EIF4G3: variants seen among roughly 807,000 people sequenced by gnomAD.
EIF4G3 encodes eIF-4-gamma 3.
A neutral mutation model predicts 186.4 loss-of-function variants in EIF4G3; 34 were observed. That is an observed-to-expected ratio of 0.18 (90% CI 0.14 to 0.24). The LOEUF (loss-of-function observed/expected upper bound fraction) is 0.24. Among genes scored for constraint, EIF4G3 ranks in the 10% least tolerant of loss-of-function variants. The pLI, the probability that EIF4G3 is intolerant of heterozygous loss-of-function variation, is 1.00. For missense variants in EIF4G3, 1,536 were observed against 1,948.5 expected, an observed-to-expected ratio of 0.79 and a Z score of 3.99; for synonymous variants, 673 against 679.5, an observed-to-expected ratio of 0.99 and a Z score of 0.15.
At chr1:20,827,253 T>TATAGACTGACAGCCTGCC (rs1362736729) in intron 32 of EIF4G3, among the ~76,000 whole-genome samples, 1 of 152,220 alleles carries the variant, frequency 6.6e-6, no homozygotes, top group Admixed American at 6.5e-5. Context: ...GTTCCCACTT[T>TATAGACTGACAGCCTGCC]ATAGACTGAC....
intron 2 of EIF4G3, among the ~76,000 whole-genome samples, chr1:21,149,267 T>C (rs2097510900): frequency 6.6e-6 from 1 of 152,178 alleles, no homozygotes; most frequent in Non-Finnish European, 1.5e-5. Context: ...TGTATACATA[T>C]ATAAACAAAA....
intron 28 of EIF4G3, 27 bp downstream of exon 28, chr1:20,851,231 T>G: frequency 6.2e-7 from 1 of 1,603,828 alleles, no homozygotes. Flanking sequence ...AACCCAAATC[T>G]GCATCTGTTT....
chr1:20,855,145 C>A (rs1398724513), intron 25 of EIF4G3, 74 bp from the exon 26 acceptor site: 1 of 1,257,862 alleles, frequency 8.0e-7, no homozygotes, highest in Non-Finnish European at 1.1e-6. Flanking sequence ...TTTTTTTCTT[C>A]TTCAGTGAAG....
At chr1:20,886,396 T>A in intron 18 of EIF4G3, 25 bp from the exon 19 acceptor site, 2 of 1,605,512 alleles carry the variant, frequency 1.2e-6, no homozygotes, top group Non-Finnish European at 1.7e-6. Flanking sequence ...TTACAGCTAT[T>A]CAGAGTACTT....
chr1:20,846,308 G>C (rs1272820859), intron 29 of EIF4G3, among the ~76,000 whole-genome samples: 1 of 152,148 alleles, frequency 6.6e-6, no homozygotes, highest in Non-Finnish European at 1.5e-5. Context: ...ACCCTGGCCA[G>C]TACTATGTTG....
intron 3 of EIF4G3, among the ~76,000 whole-genome samples, chr1:21,067,188 A>C (rs1337284551): frequency 1.1e-4 from 15 of 139,866 alleles, no homozygotes; most frequent in Non-Finnish European, 1.5e-5. Context: ...GGTGGATTGC[A>C]ATGGCATGAT....
At chr1:20,869,199 T>C (rs2078408259) in intron 20 of EIF4G3, among the ~76,000 whole-genome samples, 1 of 152,150 alleles carries the variant, frequency 6.6e-6, no homozygotes, top group African/African-American at 2.4e-5. Context: ...CCCCAAATCA[T>C]GTGCTAGTCT....
chr1:20,873,356 G>T (rs1031131433), intron 20 of EIF4G3, among the ~76,000 whole-genome samples: 4 of 152,090 alleles, frequency 2.6e-5, no homozygotes, highest in Admixed American at 6.6e-5. Context: ...AGATATGTAT[G>T]TTTATTGGTT....
At chr1:20,977,510 T>C (rs78430217) in intron 10 of EIF4G3, among the ~76,000 whole-genome samples, 6,863 of 152,280 alleles carry the variant, frequency 0.045, 216 homozygotes, top group Non-Finnish European at 0.067. Context: ...ATCATTAATT[T>C]AGTTACTTTC....
chr1:20,929,970 T>TTA (rs2095217043), intron 14 of EIF4G3, among the ~76,000 whole-genome samples: 2 of 152,218 alleles, frequency 1.3e-5, no homozygotes, highest in Non-Finnish European at 2.9e-5. Flanking sequence ...GAAGTTAATA[T>TTA]TGCAATAAAG....
rs1284800560 is a variant in EIF4G3 at position 20,901,605 on chromosome 1, GA to G, written c.1753-1663del. 2.0e-5 allele frequency among the ~76,000 whole-genome samples: 3 copies of G among 151,870 alleles called. No homozygotes were observed. In the East Asian group the frequency reaches 5.8e-4, roughly 29 times the overall value. On this transcript the variant is annotated intron_variant, in intron 15 of 36. Coordinates refer to ENST00000602326, the MANE Select transcript of EIF4G3 (RefSeq NM_001391906.1). ...TACTTAGAAATTTAATTTCTAACTG[GA>G]AAAAGAAGTATAAAGAAACTAGTTC...
At position 20,879,103 on chromosome 1, in the gene EIF4G3, C is replaced by T. The variant is rs540788391; in HGVS notation, c.2622+220G>A. ...TCTTTCTTACGCTGAATGGGCCCAT[C>T]TCATGCCCATTTCAGTCCAGACTTC... On this transcript the variant is annotated intron_variant, in intron 20 of 36. Coordinates refer to ENST00000602326, the MANE Select transcript of EIF4G3 (RefSeq NM_001391906.1). Among the ~76,000 whole-genome samples the T allele has an allele frequency of 1.1e-3, 170 of 152,284 alleles. 1 individual carries two copies. The highest frequency in any genetic ancestry group is 4.0e-3 in the African/African-American group (165 of 41,566).
rs376237036 is a variant in EIF4G3 at position 21,121,587 on chromosome 1, C to T, written c.-271-32374G>A. Among the ~76,000 whole-genome samples, 7 of 152,130 alleles carry T rather than the reference C, an allele frequency of 4.6e-5. No individual in the cohort carries two copies. In the East Asian group the frequency reaches 5.8e-4, roughly 13 times the overall value. On this transcript the variant is annotated intron_variant, in intron 2 of 36. Coordinates refer to ENST00000602326, the MANE Select transcript of EIF4G3 (RefSeq NM_001391906.1). ...GTCAGGAGTTCAAGACCAGCCTGGC[C>T]AACATGCTGAAACCCCGTCTCTACT...
At chr1:20,963,987 A>G (rs1271412854) in intron 12 of EIF4G3, among the ~76,000 whole-genome samples, 1 of 152,126 alleles carries the variant, frequency 6.6e-6, no homozygotes, top group African/African-American at 2.4e-5. Flanking sequence ...CCTATTTGGA[A>G]GTAGACAATC....
intron 2 of EIF4G3, among the ~76,000 whole-genome samples, chr1:21,095,903 A>T (rs764390867): frequency 1.3e-5 from 2 of 152,252 alleles, no homozygotes; most frequent in Non-Finnish European, 2.9e-5. Context: ...TCTGTGAGAC[A>T]AAATGATATT....
At chr1:21,048,995 GT>G (rs1426828462) in intron 4 of EIF4G3, among the ~76,000 whole-genome samples, 4 of 152,174 alleles carry the variant, frequency 2.6e-5, no homozygotes, top group African/African-American at 9.7e-5. Flanking sequence ...ATATACGAAG[GT>G]TATACAGCAA....
At chr1:20,982,347 C>A (rs1421696675) in intron 8 of EIF4G3, 41 bp downstream of exon 8, 2 of 1,445,158 alleles carry the variant, frequency 1.4e-6, no homozygotes, top group African/African-American at 1.4e-5. Flanking sequence ...AATAAGCAGA[C>A]TGAGTTATAA....
intron 25 of EIF4G3, 121 bp from the exon 26 acceptor site, chr1:20,855,192 G>A: frequency 2.9e-6 from 2 of 678,116 alleles, no homozygotes; most frequent in Non-Finnish European, 4.8e-6. Flanking sequence ...TGTTTGGAAT[G>A]CCAATTTAAT....
chr1:21,075,570 C>CAAAAAAAAAAAAAAAA (rs55649192), intron 3 of EIF4G3, among the ~76,000 whole-genome samples: 1 of 51,554 alleles, frequency 1.9e-5, no homozygotes, highest in Non-Finnish European at 3.1e-5. Context: ...CTCCAACTCA[C>CAAAAAAAAAAAAAAAA]AAAAAAAAAA....
Sources: gnomAD v4.1 joint callset for allele counts (sites outside exome capture counted in the v4.1 genomes callset) on GRCh38, gnomAD v4.1.1 for gene constraint, MANE v1.5 for transcripts, NCBI Gene and HGNC (gene_info 2026-07-23, HGNC 2026-07-21) for gene names.